Variants in UNC13C observed in about 807,000 individuals in gnomAD.
UNC13C encodes the protein protein unc-13 homolog C.
In UNC13C, 174 loss-of-function variants were observed where a neutral mutation model predicts 245.4. The observed-to-expected ratio is 0.71, with a 90% CI of 0.63 to 0.80. UNC13C has a LOEUF of 0.80. Among genes scored for constraint, UNC13C ranks in the 30% least tolerant of loss-of-function variants. UNC13C has a pLI of 0.00. For missense variants in UNC13C, 2,829 were observed against 2,602.9 expected, an observed-to-expected ratio of 1.09 and a Z score of -1.89; for synonymous variants, 992 against 895.1, an observed-to-expected ratio of 1.11 and a Z score of -1.93.
chr15:54,443,459 T>C (rs1890643839), intron 19 of UNC13C, among the ~76,000 whole-genome samples: 3 of 144,146 alleles, frequency 2.1e-5, no homozygotes. Flanking sequence ...ATTTGGTTTC[T>C]TCTTGCTTTT....
intron 17 of UNC13C, among the ~76,000 whole-genome samples, chr15:54,379,943 C>T (rs1350407180): frequency 8.5e-5 from 13 of 152,100 alleles, no homozygotes; most frequent in African/African-American, 3.1e-4. Context: ...CTCAATCTAG[C>T]TAATTGATAT....
chr15:54,404,022 A>G (rs1467652518), intron 18 of UNC13C, among the ~76,000 whole-genome samples: 1 of 152,182 alleles, frequency 6.6e-6, no homozygotes, highest in Non-Finnish European at 1.5e-5. Flanking sequence ...TACATTCATG[A>G]TAATAGCAGT....
chr15:54,013,273 G>A lies in UNC13C; in HGVS notation c.370G>A (p.Glu124Lys), dbSNP rs766948122. The change falls in exon 2 of 33, where the codon GAG becomes AAG. Residue 124 changes from glutamate (E) to lysine (K), a missense_variant. Glu to Lys is a moderately conservative substitution (Grantham distance 56). Coordinates refer to ENST00000260323, the MANE Select transcript of UNC13C (RefSeq NM_001080534.3). ...TCTGCTTCAAGAGCTCTCTTCAATC[G>A]AGAGTTCCTACTCAGAATCATTAAA... ...EDLLQELSSIESSYSESLNEL... is the reference protein window; with the variant it reads ...EDLLQELSSIKSSYSESLNEL... 6 of 1,613,634 alleles carry A rather than the reference G, an allele frequency of 3.7e-6. No individual in the cohort carries two copies. Among genetic ancestry groups the A allele is most frequent in the South Asian group, 2.2e-5 (2 of 91,060 alleles).
At chr15:54,144,684 A>T (rs1272280486) in intron 4 of UNC13C, among the ~76,000 whole-genome samples, 1 of 152,122 alleles carries the variant, frequency 6.6e-6, no homozygotes, top group Non-Finnish European at 1.5e-5. Flanking sequence ...TGCTTTGCCA[A>T]ATTTTCTACT....
chr15:54,630,447 G>A (rs1901435236), downstream of UNC13C: 1 of 152,104 alleles, frequency 6.6e-6, no homozygotes, highest in African/African-American at 2.4e-5. Flanking sequence ...ATTACATAAA[G>A]ATATGACTAT....
intron 19 of UNC13C, among the ~76,000 whole-genome samples, chr15:54,442,186 C>G (rs1467452245): frequency 6.6e-6 from 1 of 150,868 alleles, no homozygotes; most frequent in African/African-American, 2.4e-5. Flanking sequence ...ATTGCTCTAG[C>G]AAGGACTTCC....
intron 4 of UNC13C, among the ~76,000 whole-genome samples, chr15:54,233,688 T>C (rs1379889146): frequency 6.6e-6 from 1 of 152,214 alleles, no homozygotes; most frequent in Non-Finnish European, 1.5e-5. Flanking sequence ...CCATTAAGAC[T>C]AAGTTTCCTT....
Position 54,525,650 on chromosome 15 carries a change from T to C in UNC13C, c.5546+13T>C. ...CTTATGGTGAAAGGTAAGTGGCCTCTGTTGTCATTATCTAAATTAGATAAT... is the reference window on the plus strand; with the variant it reads ...CTTATGGTGAAAGGTAAGTGGCCTCCGTTGTCATTATCTAAATTAGATAAT... On this transcript the variant is annotated intron_variant, in intron 25 of 32. Transcript: ENST00000260323. 6.2e-6 allele frequency: 10 copies of C among 1,603,858 alleles called. No individual in the cohort carries two copies. The highest frequency in any genetic ancestry group is 8.5e-6 in the Non-Finnish European group (10 of 1,173,410).
intron 18 of UNC13C, among the ~76,000 whole-genome samples, chr15:54,401,711 T>C (rs1013022806): frequency 1.3e-5 from 2 of 152,108 alleles, no homozygotes; most frequent in African/African-American, 4.8e-5. Flanking sequence ...TGGAGGACTT[T>C]GTGCCTGATG....
chr15:54,406,279 T>G (rs925755024), intron 18 of UNC13C, among the ~76,000 whole-genome samples: 5 of 152,180 alleles, frequency 3.3e-5, no homozygotes, highest in African/African-American at 1.2e-4. Flanking sequence ...TCATTCACAT[T>G]CCTTTTGACA....
intron 4 of UNC13C, among the ~76,000 whole-genome samples, chr15:54,227,674 T>A (rs2035430669): frequency 6.6e-6 from 1 of 152,280 alleles, no homozygotes; most frequent in African/African-American, 2.4e-5. Flanking sequence ...GATCAGGCAC[T>A]TCCAAACCTG....
At chr15:53,907,538 C>A in the UNC13C span, among the ~76,000 whole-genome samples, 1 of 152,102 alleles carries the variant, frequency 6.6e-6, no homozygotes, top group East Asian at 1.9e-4. Context: ...CTTATATTTT[C>A]TTGTTAAGGA....
chr15:53,964,312 T>G, the UNC13C span, among the ~76,000 whole-genome samples: 4 of 152,032 alleles, frequency 2.6e-5, no homozygotes, highest in Non-Finnish European at 5.9e-5. Flanking sequence ...CTGAAAAGAG[T>G]TGGTATGATT....
chr15:54,476,739 G>A (rs1232819453), intron 19 of UNC13C, among the ~76,000 whole-genome samples: 3 of 148,942 alleles, frequency 2.0e-5, no homozygotes, highest in African/African-American at 7.4e-5. Context: ...AAGTCAGGTA[G>A]CATGATGCCT....
At chr15:54,179,106 C>T (rs1250848608) in intron 4 of UNC13C, among the ~76,000 whole-genome samples, 1 of 152,086 alleles carries the variant, frequency 6.6e-6, no homozygotes, top group East Asian at 1.9e-4. Flanking sequence ...TCACTATAAT[C>T]CATGATTGAG....
chr15:54,536,072 G>A (rs909354233), intron 26 of UNC13C, among the ~76,000 whole-genome samples: 2 of 151,850 alleles, frequency 1.3e-5, no homozygotes, highest in Admixed American at 1.3e-4. Flanking sequence ...AAATAAGATT[G>A]GTAGACCACT....
At chr15:54,556,264 G>A (rs1897084734) in intron 29 of UNC13C, among the ~76,000 whole-genome samples, 1 of 152,024 alleles carries the variant, frequency 6.6e-6, no homozygotes, top group South Asian at 2.1e-4. Flanking sequence ...TATGTGAATA[G>A]CATAGCTACT....
intron 1 of UNC13C, among the ~76,000 whole-genome samples, chr15:54,011,937 T>C (rs1247146068): frequency 6.6e-6 from 1 of 152,230 alleles, no homozygotes; most frequent in Admixed American, 6.5e-5. Context: ...GTAGATTATC[T>C]TCCCAAACAC....
chr15:54,506,716 A>T (rs1298934867), intron 22 of UNC13C, among the ~76,000 whole-genome samples: 1 of 152,128 alleles, frequency 6.6e-6, no homozygotes, highest in African/African-American at 2.4e-5. Context: ...ATTCAGGCAT[A>T]TGTTGTACAA....
Sources: gnomAD v4.1 joint callset for allele counts (sites outside exome capture counted in the v4.1 genomes callset) on GRCh38, gnomAD v4.1.1 for gene constraint, MANE v1.5 for transcripts, NCBI Gene and HGNC (gene_info 2026-07-23, HGNC 2026-07-21) for gene names.